Variants in SP3 observed in about 807,000 individuals in gnomAD.
SP3 encodes the protein transcription factor Sp3.
A neutral mutation model predicts 70.3 loss-of-function variants in SP3; 10 were observed. The ratio of observed to expected loss-of-function variants is 0.14; its 90% CI spans 0.09 to 0.24. SP3 has a LOEUF of 0.24. Among genes scored for constraint, SP3 ranks in the 10% least tolerant of loss-of-function variants. The pLI, the probability that SP3 is intolerant of heterozygous loss-of-function variation, is 1.00. For missense variants in SP3, 825 were observed against 914.6 expected (o/e 0.90, Z 1.26); for synonymous variants, 402 against 333.5 (o/e 1.21, Z -2.24).
At chr2:173,932,041 A>G (rs1244357549) in intron 4 of SP3, among the ~76,000 whole-genome samples, 1 of 152,226 alleles carries the variant, frequency 6.6e-6, no homozygotes, top group Non-Finnish European at 1.5e-5. Context: ...GTGTGGCACA[A>G]GAGGCCCAGC....
intron 4 of SP3, among the ~76,000 whole-genome samples, chr2:173,933,154 T>C (rs917644618): frequency 6.6e-6 from 1 of 152,070 alleles, no homozygotes; most frequent in Non-Finnish European, 1.5e-5. Flanking sequence ...TTAAGTAGTA[T>C]CTGTGAAGCA....
intron 4 of SP3, among the ~76,000 whole-genome samples, chr2:173,921,644 A>G (rs1022419526): frequency 2.0e-5 from 3 of 152,196 alleles, no homozygotes; most frequent in African/African-American, 7.2e-5. Context: ...TGAGCCCAGG[A>G]GGTTCAGGTT....
At chr2:173,922,874 G>C (rs1176858680) in intron 4 of SP3, among the ~76,000 whole-genome samples, 2 of 152,092 alleles carry the variant, frequency 1.3e-5, no homozygotes, top group Non-Finnish European at 2.9e-5. Flanking sequence ...CTCTTTCCAA[G>C]GGTTTTGCTA....
In SP3 at chr2:173,907,248, C is replaced by A. The variant is rs1030952794; in HGVS notation, c.*2693G>T. On this transcript the variant is annotated 3_prime_UTR_variant, in exon 7 of 7. Coordinates refer to ENST00000310015, the MANE Select transcript of SP3 (RefSeq NM_003111.5). ...TATATTCAATATGCACTAACTCTAG[C>A]CTTTACAAAAATAAAGCAATTGACA... 1 of 151,970 alleles carries A rather than the reference C, an allele frequency of 6.6e-6. No individual in the cohort carries two copies. Among genetic ancestry groups the A allele is most frequent in the Non-Finnish European group, 1.5e-5 (1 of 67,976 alleles). The allele number at this position is 151,970 out of a possible 1,614,324, so 9.4% of individuals were successfully genotyped here.
intron 4 of SP3, among the ~76,000 whole-genome samples, chr2:173,939,580 A>T (rs1435070819): frequency 2.0e-5 from 3 of 152,062 alleles, no homozygotes; most frequent in Non-Finnish European, 2.9e-5. Flanking sequence ...CCTGGCCAAC[A>T]TGGTGAAACA....
chr2:173,924,310 A>AT (rs1473033707), intron 4 of SP3, among the ~76,000 whole-genome samples: 1 of 152,194 alleles, frequency 6.6e-6, no homozygotes, highest in African/African-American at 2.4e-5. Flanking sequence ...GAAATGACTG[A>AT]TTTTCTAATA....
At chr2:173,925,570 G>A (rs1689890221) in intron 4 of SP3, among the ~76,000 whole-genome samples, 1 of 152,092 alleles carries the variant, frequency 6.6e-6, no homozygotes, top group Admixed American at 6.6e-5. Flanking sequence ...AATGTTATGT[G>A]TTTTTTACAA....
chr2:173,937,907 C>CA (rs1186583497), intron 4 of SP3, among the ~76,000 whole-genome samples: 2 of 152,026 alleles, frequency 1.3e-5, no homozygotes, highest in Non-Finnish European at 2.9e-5. Context: ...AAAGAACTTA[C>CA]AAAAAATCTC....
At chr2:173,946,998 G>C (rs1444222719) in intron 4 of SP3, among the ~76,000 whole-genome samples, 1 of 151,918 alleles carries the variant, frequency 6.6e-6, no homozygotes, top group East Asian at 1.9e-4. Context: ...GGTGGGATTA[G>C]AGGCATGAGC....
At chr2:173,916,209 A>G (rs369044243) in intron 5 of SP3, 2 of 152,110 alleles carry the variant, frequency 1.3e-5, no homozygotes, top group South Asian at 4.1e-4. Context: ...ATTGCTTAGA[A>G]TAAGTGAGCT....
intron 2 of SP3, 42 bp from the exon 3 acceptor site, chr2:173,963,925 G>A (rs754620797): frequency 1.5e-6 from 2 of 1,378,836 alleles, no homozygotes; most frequent in Middle Eastern, 2.8e-4. Flanking sequence ...ACAGGGGGAG[G>A]GGGTGGCGGT....
chr2:173,918,569 T>C, intron 5 of SP3, 24 bp downstream of exon 5: 2 of 1,602,518 alleles, frequency 1.2e-6, no homozygotes, highest in East Asian at 2.2e-5. Flanking sequence ...CTTAAAAATA[T>C]ATATGTGTTT....
At chr2:173,959,332 G>GA (rs1690988229) in intron 3 of SP3, among the ~76,000 whole-genome samples, 1 of 147,362 alleles carries the variant, frequency 6.8e-6, no homozygotes, top group Admixed American at 6.8e-5. Flanking sequence ...GAATAAATTA[G>GA]AAAATCATCT....
intron 6 of SP3, 141 bp downstream of exon 6, chr2:173,912,929 G>A: frequency 1.9e-6 from 1 of 522,696 alleles, no homozygotes; most frequent in Non-Finnish European, 3.2e-6. Flanking sequence ...TTAAGATGGT[G>A]TTACTAAAGG....
chr2:173,956,247 C>G lies in SP3; in HGVS notation c.280-15G>C, dbSNP rs1375552087. The G allele has an allele frequency of 2.6e-6, 4 of 1,555,894 alleles. No homozygotes were observed. The highest frequency in any genetic ancestry group is 3.5e-6 in the Non-Finnish European group (4 of 1,154,576). On this transcript the variant is annotated splice_polypyrimidine_tract_variant and intron_variant, in intron 3 of 6. Coordinates refer to ENST00000310015, the MANE Select transcript of SP3 (RefSeq NM_003111.5). ...AAATCACCTGTCTGGATGAAGAAAACAAAAAGGTGATATATTTGTGGTATA... is the reference window on the plus strand; with the variant it reads ...AAATCACCTGTCTGGATGAAGAAAAGAAAAAGGTGATATATTTGTGGTATA...
At chr2:173,954,475 T>C (rs1690815928) in intron 4 of SP3, among the ~76,000 whole-genome samples, 1 of 152,176 alleles carries the variant, frequency 6.6e-6, no homozygotes, top group South Asian at 2.1e-4. Flanking sequence ...CTGTACCATG[T>C]TTTCACTATA....
chr2:173,931,678 T>C (rs1046470387), intron 4 of SP3, among the ~76,000 whole-genome samples: 2 of 152,202 alleles, frequency 1.3e-5, no homozygotes, highest in African/African-American at 4.8e-5. Flanking sequence ...TTTTCATCAA[T>C]GATCTTAGCT....
chr2:173,909,668 G>A lies in SP3; in HGVS notation c.*273C>T, dbSNP rs924948914. On this transcript the variant is annotated 3_prime_UTR_variant, in exon 7 of 7. Transcript: ENST00000310015. ...GATGCATTTGGTTAGACTACCATTC[G>A]CATTGTTAAATTCAATTTTCTCTTT... 11 of 270,356 alleles carry A rather than the reference G, an allele frequency of 4.1e-5. No individual in the cohort carries two copies. The highest frequency in any genetic ancestry group is 3.9e-4 in the East Asian group (4 of 10,288). The allele number at this position is 270,356 out of a possible 1,614,324, so 16.7% of individuals were successfully genotyped here.
chr2:173,904,648 T>C lies in SP3; in HGVS notation c.*5293A>G, dbSNP rs1441698563. Reference sequence around the variant, plus strand: ...AGACATCAGTTTTCCAATTCCAAATTCTCAGGAGAAATCATCTAATTGGCT... The same window carrying C: ...AGACATCAGTTTTCCAATTCCAAATCCTCAGGAGAAATCATCTAATTGGCT... On this transcript the variant is annotated 3_prime_UTR_variant, in exon 7 of 7. Transcript: ENST00000310015. Among the ~76,000 whole-genome samples the C allele has an allele frequency of 6.6e-6, 1 of 152,198 alleles. No homozygotes were observed. The highest frequency in any genetic ancestry group is 2.4e-5 in the African/African-American group (1 of 41,446).
Sources: allele counts gnomAD v4.1 joint callset (sites outside exome capture counted in the v4.1 genomes callset), GRCh38; gene constraint gnomAD v4.1.1; transcripts MANE v1.5; gene names NCBI Gene and HGNC (gene_info 2026-07-23, HGNC 2026-07-21).